Variants in RSU1 observed in about 807,000 individuals in gnomAD.
RSU1 encodes the protein rsu-1.
A neutral mutation model predicts 31.1 loss-of-function variants in RSU1; 26 were observed. The observed-to-expected ratio is 0.84, with a 90% confidence interval of 0.61 to 1.16. RSU1 has a LOEUF of 1.16. Ranked by LOEUF, RSU1 falls within the 50% of genes most tolerant of loss-of-function variation. The pLI is 0.00. For synonymous variants in RSU1, 164 were observed against 136.3 expected (o/e 1.20, Z -1.41); for missense variants, 320 against 339.1 (o/e 0.94, Z 0.44).
chr10:16,599,923 T>G (rs1833687595), intron 8 of RSU1, among the ~76,000 whole-genome samples: 1 of 152,096 alleles, frequency 6.6e-6, no homozygotes, highest in South Asian at 2.1e-4. Context: ...AGGTCACCCA[T>G]GGGGCTGCAG....
At chr10:16,594,198 AT>A (rs1245776629) in intron 8 of RSU1, among the ~76,000 whole-genome samples, 14 of 152,058 alleles carry the variant, frequency 9.2e-5, no homozygotes, top group Non-Finnish European at 1.0e-4. Context: ...TTTTATTGAT[AT>A]AACTGTGTCT....
intron 2 of RSU1, among the ~76,000 whole-genome samples, chr10:16,789,247 C>T (rs561259849): frequency 2.0e-5 from 3 of 152,288 alleles, no homozygotes; most frequent in African/African-American, 7.2e-5. Flanking sequence ...GAAATTCAGT[C>T]GTTGCTTCAG....
chr10:16,628,930 T>C (rs1224327778), intron 8 of RSU1, among the ~76,000 whole-genome samples: 1 of 152,070 alleles, frequency 6.6e-6, no homozygotes, highest in African/African-American at 2.4e-5. Flanking sequence ...TGAAGAGAGA[T>C]TTTTCACTTT....
intron 1 of RSU1, 74 bp downstream of exon 1, chr10:16,817,241 G>GGGTAGGGCAGGGA (rs75734446): frequency 1.9e-5 from 12 of 619,140 alleles, no homozygotes; most frequent in Non-Finnish European, 2.9e-5. Flanking sequence ...GGAGGGGATG[G>GGGTAGGGCAGGGA]AGTGGGAAGG....
chr10:16,788,681 C>T lies in RSU1; in HGVS notation c.110-6597G>A, dbSNP rs117176356. Among the ~76,000 whole-genome samples, 6 of 152,288 alleles carry T rather than the reference C, an allele frequency of 3.9e-5. No individual in the cohort carries two copies. In the East Asian group the frequency reaches 5.8e-4, roughly 15 times the overall value. On this transcript the variant is annotated intron_variant, in intron 2 of 8. Coordinates refer to ENST00000345264, the MANE Select transcript of RSU1 (RefSeq NM_012425.4). ...CTAAAACACACCTCAAGATCCAAGA[C>T]GACAGCCTGAGCTCAGCCATCACAT...
At chr10:16,785,267 T>C (rs1837749970) in intron 2 of RSU1, among the ~76,000 whole-genome samples, 1 of 151,948 alleles carries the variant, frequency 6.6e-6, no homozygotes, top group Non-Finnish European at 1.5e-5. Context: ...TGCCCTCGAA[T>C]GTTGGACTCC....
At chr10:16,775,687 C>G (rs917397760) in intron 3 of RSU1, among the ~76,000 whole-genome samples, 3 of 152,156 alleles carry the variant, frequency 2.0e-5, no homozygotes, top group Non-Finnish European at 4.4e-5. Flanking sequence ...GCCAAAAAAT[C>G]GCAACACATG....
At chr10:16,754,391 A>G (rs996855631) in intron 5 of RSU1, among the ~76,000 whole-genome samples, 2 of 152,222 alleles carry the variant, frequency 1.3e-5, no homozygotes, top group African/African-American at 2.4e-5. Flanking sequence ...AAATAGGTCA[A>G]TAAGAGTACT....
chr10:16,692,697 TTAAC>T (rs1426870568), intron 8 of RSU1, among the ~76,000 whole-genome samples: 6 of 152,334 alleles, frequency 3.9e-5, no homozygotes, highest in South Asian at 2.1e-4. Flanking sequence ...ATTTTCATAA[TTAAC>T]TAATTTCTAA....
chr10:16,708,806 T>C (rs1392539818), intron 7 of RSU1, among the ~76,000 whole-genome samples: 1 of 151,278 alleles, frequency 6.6e-6, no homozygotes, highest in Admixed American at 6.6e-5. Flanking sequence ...TTGGTTTTGT[T>C]TCTATTATCT....
intron 8 of RSU1, among the ~76,000 whole-genome samples, chr10:16,601,587 C>A (rs1564282287): frequency 6.6e-6 from 1 of 152,156 alleles, no homozygotes. Context: ...CAGGTGACTT[C>A]CCTTCCCAGT....
chr10:16,668,697 C>G (rs1835046517), intron 8 of RSU1, among the ~76,000 whole-genome samples: 1 of 152,200 alleles, frequency 6.6e-6, no homozygotes, highest in African/African-American at 2.4e-5. Flanking sequence ...TATTTTGTCT[C>G]CTTTCTACTC....
At chr10:16,721,220 G>C (rs946457986) in intron 7 of RSU1, 3 of 152,078 alleles carry the variant, frequency 2.0e-5, no homozygotes, top group African/African-American at 7.2e-5. Context: ...GAAGAGGCTC[G>C]GAATGACTTT....
Position 16,630,022 on chromosome 10 carries a change from A to T in RSU1, c.732-36526T>A, listed in dbSNP as rs1834222727. Among the ~76,000 whole-genome samples the T allele has an allele frequency of 3.9e-5, 6 of 152,208 alleles. No homozygotes were observed. The South Asian group carries it at 1.2e-3, about 31-fold the overall frequency. On this transcript the variant is annotated intron_variant, in intron 8 of 8. Transcript: ENST00000345264. Reference sequence around the variant, plus strand: ...TATTAAAAAATCCCACGGAATCCCCAAAAAAGTATTTATGGATGCTCTTTG... The same window carrying T: ...TATTAAAAAATCCCACGGAATCCCCTAAAAAGTATTTATGGATGCTCTTTG...
intron 4 of RSU1, among the ~76,000 whole-genome samples, chr10:16,755,622 A>T (rs1400989354): frequency 6.6e-6 from 1 of 151,454 alleles, no homozygotes; most frequent in African/African-American, 2.4e-5. Context: ...CTTAAAATTC[A>T]CTCTCTTAGC....
At chr10:16,810,841 G>A (rs1838393362) in intron 2 of RSU1, among the ~76,000 whole-genome samples, 2 of 152,082 alleles carry the variant, frequency 1.3e-5, no homozygotes, top group Admixed American at 1.3e-4. Context: ...GGGAGAAATG[G>A]CGAAACCCCA....
chr10:16,653,423 A>G (rs1300571898), intron 8 of RSU1, among the ~76,000 whole-genome samples: 1 of 152,146 alleles, frequency 6.6e-6, no homozygotes, highest in Non-Finnish European at 1.5e-5. Flanking sequence ...AATAAAAACC[A>G]CTGCAAGTTT....
intron 2 of RSU1, among the ~76,000 whole-genome samples, chr10:16,804,726 A>T (rs191763890): frequency 6.1e-4 from 93 of 152,350 alleles, no homozygotes; most frequent in Non-Finnish European, 8.5e-4. Flanking sequence ...TAGAGGCTAT[A>T]TACCCTACGA....
chr10:16,795,954 T>C (rs980491871), intron 2 of RSU1, among the ~76,000 whole-genome samples: 5 of 152,146 alleles, frequency 3.3e-5, no homozygotes, highest in African/African-American at 1.2e-4. Flanking sequence ...CGCCTCAACC[T>C]TCCCCCATAC....
Sources: allele counts gnomAD v4.1 joint callset (sites outside exome capture counted in the v4.1 genomes callset), GRCh38; gene constraint gnomAD v4.1.1; transcripts MANE v1.5; gene names NCBI Gene and HGNC (gene_info 2026-07-23, HGNC 2026-07-21).